Variants in LIPA observed in about 807,000 individuals in gnomAD.
LIPA encodes the protein lysosomal acid lipase/cholesteryl ester hydrolase.
Under a neutral mutation model 40.6 loss-of-function variants are expected in LIPA, and 26 were observed. That is an observed-to-expected ratio of 0.64 (90% CI 0.47 to 0.89). LIPA has a LOEUF of 0.89. Among genes scored for constraint, LIPA ranks in the 40% least tolerant of loss-of-function variants. The probability of loss-of-function intolerance (pLI) is 0.00; values close to 1 mark genes in which losing one functional copy is unlikely to be tolerated. For synonymous variants in LIPA, 188 were observed against 168.4 expected (o/e 1.12, Z -0.90); for missense variants, 455 against 479.6 (o/e 0.95, Z 0.48).
chr10:89,345,403 C>T (rs1334935423), upstream of LIPA, among the ~76,000 whole-genome samples: 1 of 151,780 alleles, frequency 6.6e-6, no homozygotes, highest in African/African-American at 2.4e-5. Context: ...GTGATGGGTG[C>T]CTGTAATCTC....
At chr10:89,268,329 G>C (rs1843248231) in intron 1 of LIPA, among the ~76,000 whole-genome samples, 1 of 152,196 alleles carries the variant, frequency 6.6e-6, no homozygotes, top group Admixed American at 6.5e-5. Flanking sequence ...TCAAATTTTG[G>C]ATAAGATAAT....
At chr10:89,280,252 A>C (rs1390991700) in intron 1 of LIPA, among the ~76,000 whole-genome samples, 1 of 152,104 alleles carries the variant, frequency 6.6e-6, no homozygotes, top group Non-Finnish European at 1.5e-5. Context: ...TTTTATTTTT[A>C]TAATTAGAAA....
Position 89,366,738 on chromosome 10 carries a change from C to T in LIPA, c.61+46053G>A, listed in dbSNP as rs189751507. On this transcript the variant is annotated intron_variant, in intron 2 of 8. Coordinates refer to the LIPA transcript ENST00000371837. ...TTACACTGTTGGTGGGACTGTAAAC[C>T]AGTTCAACCACTGTGGAAGTCAGTG... 9.2e-3 allele frequency among the ~76,000 whole-genome samples: 1,403 copies of T among 152,274 alleles called. 12 individuals are homozygous for T. Among genetic ancestry groups the T allele is most frequent in the Middle Eastern group, 0.027 (8 of 294 alleles).
At chr10:89,306,920 C>T in intron 1 of LIPA, 2 of 1,613,864 alleles carry the variant, frequency 1.2e-6, no homozygotes, top group South Asian at 1.1e-5. Context: ...CGCTGTGGCT[C>T]ATCTGAAGAA....
chr10:89,371,545 C>G lies in LIPA; in HGVS notation c.61+41246G>C, dbSNP rs117291946. ...TAATCTGTCTCTGTCTCCCACGAGA[C>G]AGCAAACCACTAGTGATGGAGGGGA... On this transcript the variant is annotated intron_variant, in intron 2 of 8. Transcript: ENST00000371837. 3.7e-3 allele frequency among the ~76,000 whole-genome samples: 571 copies of G among 152,268 alleles called. 3 individuals carry two copies. Among genetic ancestry groups the G allele is most frequent in the Admixed American group, 7.2e-3 (110 of 15,302 alleles).
At chr10:89,403,543 A>G (rs771525327) in intron 2 of LIPA, 1 of 1,614,084 alleles carries the variant, frequency 6.2e-7, no homozygotes, top group Non-Finnish European at 8.5e-7. Flanking sequence ...AATTCTTTGA[A>G]GAAATTGGTT....
At chr10:89,338,618 T>C (rs1412066142) in intron 1 of LIPA, 1 of 1,568,844 alleles carries the variant, frequency 6.4e-7, no homozygotes, top group East Asian at 2.2e-5. Flanking sequence ...GGTGCAGTGC[T>C]TGGCAGTGTA....
intron 2 of LIPA, among the ~76,000 whole-genome samples, chr10:89,246,978 T>A (rs1271482834): frequency 6.6e-6 from 1 of 152,170 alleles, no homozygotes; most frequent in African/African-American, 2.4e-5. Context: ...TAATAAAAAA[T>A]CATAATTTAT....
chr10:89,215,832 A>G (rs1842618598), intron 9 of LIPA, 106 bp downstream of exon 9: 2 of 811,912 alleles, frequency 2.5e-6, no homozygotes, highest in Non-Finnish European at 4.5e-6. Context: ...CAACTCCTGC[A>G]AACATTTCCC....
chr10:89,257,404 T>C (rs1843186813), intron 1 of LIPA, among the ~76,000 whole-genome samples: 1 of 152,194 alleles, frequency 6.6e-6, no homozygotes, highest in East Asian at 1.9e-4. Flanking sequence ...GTGTTTGGGA[T>C]GGTCACTTTA....
intron 2 of LIPA, among the ~76,000 whole-genome samples, chr10:89,365,363 A>G (rs1047992825): frequency 6.6e-6 from 1 of 152,214 alleles, no homozygotes; most frequent in African/African-American, 2.4e-5. Context: ...CCTTTGTCAG[A>G]TGAGTACTTG....
intron 8 of LIPA, among the ~76,000 whole-genome samples, chr10:89,216,547 AT>A (rs1334020651): frequency 6.6e-6 from 1 of 151,996 alleles, no homozygotes; most frequent in African/African-American, 2.4e-5. Flanking sequence ...GATGGAAAAT[AT>A]TTGGAAAAAA....
chr10:89,403,142 C>G (rs751323840), intron 2 of LIPA: 1 of 1,613,890 alleles, frequency 6.2e-7, no homozygotes, highest in Non-Finnish European at 8.5e-7. Flanking sequence ...TACTGCATCA[C>G]CAGATAGGGC....
rs1215959657 is a variant in LIPA, at chr10:89,214,627, C to G, written c.*201G>C. On this transcript the variant is annotated 3_prime_UTR_variant, in exon 10 of 10. Transcript: ENST00000336233. ...TGGTTGAGACACTGGCTTCCTATTC[C>G]AGCCCTAATTAAAGAAAAAATAGCT... 1.8e-6 allele frequency: 1 copy of G among 548,930 alleles called. No homozygotes were observed. The highest frequency in any genetic ancestry group is 1.9e-5 in the African/African-American group (1 of 52,698). 34.0% of individuals were successfully genotyped at this position (548,930 alleles called of 1,614,324 possible). A position where few individuals can be genotyped will look rare whatever the true frequency, so the allele number is the denominator to read the frequency against.
chr10:89,372,257 A>T (rs1844095958), intron 2 of LIPA, among the ~76,000 whole-genome samples: 1 of 152,234 alleles, frequency 6.6e-6, no homozygotes, highest in Admixed American at 6.5e-5. Context: ...GTGTGCAGCC[A>T]GCATCATTGC....
chr10:89,244,570 G>A (rs977170257), intron 3 of LIPA, among the ~76,000 whole-genome samples: 1 of 151,994 alleles, frequency 6.6e-6, no homozygotes, highest in Non-Finnish European at 1.5e-5. Flanking sequence ...CAACAAGACC[G>A]AAAATCCGTC....
intron 2 of LIPA, among the ~76,000 whole-genome samples, chr10:89,412,268 G>T (rs565493705): frequency 6.6e-6 from 1 of 152,296 alleles, no homozygotes; most frequent in South Asian, 2.1e-4. Flanking sequence ...GAACTTTTCT[G>T]TCTAGCTAAA....
chr10:89,314,395 C>G (rs962660182), intron 1 of LIPA: 1 of 152,272 alleles, frequency 6.6e-6, no homozygotes, highest in Non-Finnish European at 1.5e-5. Flanking sequence ...TATGCCCGAG[C>G]GCAGTGGCTT....
intron 1 of LIPA, among the ~76,000 whole-genome samples, chr10:89,328,654 T>A (rs1249211646): frequency 1.3e-5 from 2 of 152,210 alleles, no homozygotes; most frequent in South Asian, 4.1e-4. Context: ...AAACAATTCT[T>A]ACAAATGGGC....
Sources: gnomAD v4.1 joint callset for allele counts (sites outside exome capture counted in the v4.1 genomes callset) on GRCh38, gnomAD v4.1.1 for gene constraint, MANE v1.5 for transcripts, NCBI Gene and HGNC (gene_info 2026-07-23, HGNC 2026-07-21) for gene names.